Variants in ADCY4 observed in about 807,000 individuals in gnomAD.
ADCY4 encodes adenylate cyclase type 4.
In ADCY4, 111 loss-of-function variants were observed where a neutral mutation model predicts 125.5. The observed-to-expected ratio is 0.88, with a 90% CI of 0.76 to 1.04. The LOEUF (loss-of-function observed/expected upper bound fraction) is 1.04. Ranked by LOEUF, ADCY4 falls within the 50% of genes least tolerant of loss-of-function variation. The pLI, the probability that ADCY4 is intolerant of heterozygous loss-of-function variation, is 0.00. For synonymous variants in ADCY4, 576 were observed against 586.9 expected (o/e 0.98, Z 0.27); for missense variants, 1,256 against 1,382.9 (o/e 0.91, Z 1.46).
rs540039927 is a variant in ADCY4 at position 24,318,432 on chromosome 14, G to C, written c.3218C>G (p.Ser1073Ter). 1.2e-6 allele frequency: 2 copies of C among 1,614,120 alleles called. No individual in the cohort carries two copies. Among genetic ancestry groups the C allele is most frequent in the African/African-American group, 2.7e-5 (2 of 75,044 alleles). ...AGTGCAATCTCAGCCTAGGGTAGCT[G>C]AAGGAGGTCCAGTTCGTGTCAAGTC... is the stretch of plus-strand genomic sequence containing the variant. ...NTDLTRTGPPSATLG is the reference protein window; with the variant it reads ...NTDLTRTGPP Residue 1073 changes from serine (S) to a stop codon, truncating the protein, a stop_gained, in exon 25 of 25, where the codon TCA (serine) becomes TGA (stop). Transcript: ENST00000418030. LOFTEE classifies it high-confidence loss of function.
At position 24,318,729 on chromosome 14, in the gene ADCY4, C is replaced by A. The variant is rs757144908; in HGVS notation, c.3006G>T (p.Pro1002=). 6.2e-7 allele frequency: 1 copy of A among 1,614,176 alleles called. No individual in the cohort carries two copies. Residue 1002 remains proline, a synonymous_variant, in exon 24 of 25, where the codon CCG becomes CCT. Coordinates refer to ENST00000418030, the MANE Select transcript of ADCY4 (RefSeq NM_001198568.2). The part of the protein sequence containing the change: ...VVAGVIGAQK[P]QYDIWGNTVN... ...CTGTGTTGCCCCAAATGTCATATTG[C>A]GGCTTCTGGGCCCCAATAACTCCAG...
intron 6 of ADCY4, 153 bp from the exon 7 acceptor site, chr14:24,330,448 A>G: frequency 1.0e-6 from 1 of 991,830 alleles, no homozygotes; most frequent in South Asian, 1.6e-5. Flanking sequence ...CTTTCACTTG[A>G]TATGGGGCTA....
At chr14:24,321,092 C>CT (rs113506596) in intron 20 of ADCY4, among the ~76,000 whole-genome samples, 1,887 of 120,190 alleles carry the variant, frequency 0.016, 33 homozygotes, top group African/African-American at 0.041. Flanking sequence ...AATTGCATTT[C>CT]TTTTTTTTTT....
rs79212563 is a variant in ADCY4, at chr14:24,331,295, A to G, written c.731T>C (p.Met244Thr). 6 of 1,614,056 alleles carry G rather than the reference A, an allele frequency of 3.7e-6. No homozygotes were observed. Among genetic ancestry groups the G allele is most frequent in the Non-Finnish European group, 5.1e-6 (6 of 1,180,038 alleles). Residue 244 changes from methionine (M) to threonine (T), a missense_variant, in exon 5 of 25, where the codon ATG (methionine) becomes ACG (threonine). Physicochemically the swap from Met to Thr is moderately conservative, Grantham distance 81 (BLOSUM62 -1). Transcript: ENST00000418030. Reference protein sequence around the residue: ...YLAREMKAEIMARLQAGQGSR... With the variant: ...YLAREMKAEITARLQAGQGSR... Reference sequence around the variant, plus strand: ...CCCCTGTCCTGCCTGCAGCCGTGCCATGATCTCTGCCTTCATCTCTCGGGC... The same window carrying G: ...CCCCTGTCCTGCCTGCAGCCGTGCCGTGATCTCTGCCTTCATCTCTCGGGC...
intron 16 of ADCY4, 175 bp from the exon 17 acceptor site, chr14:24,323,629 A>G (rs2041891819): frequency 7.0e-7 from 1 of 1,426,520 alleles, no homozygotes; most frequent in African/African-American, 1.4e-5. Flanking sequence ...CTCGGGGAGG[A>G]GTTATGTGAG....
chr14:24,319,275 A>G lies in ADCY4; in HGVS notation c.2841+54T>C, dbSNP rs544182635. 3.1e-6 allele frequency: 5 copies of G among 1,612,434 alleles called. No individual in the cohort carries two copies. The African/African-American group carries it at 4.0e-5, about 13-fold the overall frequency. The stretch of plus-strand genomic sequence containing the variant: ...GGCACAGGAATAAGTCCCACTAATA[A>G]GCCCATCAATGAGAGCCCAGAGGAG... On this transcript the variant is annotated intron_variant, in intron 22 of 24. Transcript: ENST00000418030. The surrounding 1 kb of genome is among the most constrained non-coding windows in gnomAD (Gnocchi z 4.5).
chr14:24,331,417 C>T, intron 4 of ADCY4, 61 bp from the exon 5 acceptor site: 1 of 1,599,190 alleles, frequency 6.3e-7, no homozygotes, highest in Non-Finnish European at 8.5e-7. Flanking sequence ...GGCCCTGTCC[C>T]CCAAATCACT....
At chr14:24,321,232 G>GA (rs2041846360) in intron 20 of ADCY4, among the ~76,000 whole-genome samples, 1 of 145,068 alleles carries the variant, frequency 6.9e-6, no homozygotes, top group African/African-American at 2.5e-5. Flanking sequence ...CCAACATGGT[G>GA]AAACCCTGTC....
At chr14:24,325,973 G>C in intron 12 of ADCY4, 86 bp from the exon 13 acceptor site, 1 of 1,587,148 alleles carries the variant, frequency 6.3e-7, no homozygotes. Flanking sequence ...GGGCAAGAGG[G>C]GGTGGTCAGG....
At chr14:24,329,621 G>C in intron 8 of ADCY4, 88 bp from the exon 9 acceptor site, 6 of 1,475,436 alleles carry the variant, frequency 4.1e-6, no homozygotes, top group Non-Finnish European at 5.4e-6. Flanking sequence ...TCCTAGAACT[G>C]ACAAACATCT....
intron 10 of ADCY4, chr14:24,328,851 AG>A (rs773803029): frequency 4.6e-5 from 29 of 627,304 alleles, no homozygotes; most frequent in Non-Finnish European, 7.4e-5. Flanking sequence ...ATCTTCTCTG[AG>A]GTGAGCTGGA....
At chr14:24,329,567 AG>A in intron 8 of ADCY4, 34 bp from the exon 9 acceptor site, 1 of 1,504,012 alleles carries the variant, frequency 6.6e-7, no homozygotes, top group African/African-American at 1.4e-5. Flanking sequence ...GTCAGCAGGG[AG>A]GGCCTTCAAA....
intron 3 of ADCY4, 24 bp from the exon 4 acceptor site, chr14:24,331,961 A>C: frequency 6.5e-7 from 1 of 1,534,632 alleles, no homozygotes; most frequent in Non-Finnish European, 8.8e-7. Flanking sequence ...CCAGCCTCAG[A>C]GGGCGCGGGA....
chr14:24,331,470 C>T (rs376499863), intron 4 of ADCY4, 114 bp from the exon 5 acceptor site: 31 of 1,416,136 alleles, frequency 2.2e-5, no homozygotes, highest in Non-Finnish European at 3.0e-5. Context: ...CCAGGGTGCT[C>T]CCCCAGGTCC....
intron 1 of ADCY4, among the ~76,000 whole-genome samples, chr14:24,333,378 G>T (rs552043196): frequency 2.7e-5 from 4 of 150,100 alleles, no homozygotes; most frequent in Non-Finnish European, 4.4e-5. Flanking sequence ...CCGCCACCAC[G>T]CCCAGCTAAT....
intron 4 of ADCY4, 43 bp downstream of exon 4, chr14:24,331,745 C>A: frequency 6.7e-7 from 1 of 1,500,792 alleles, no homozygotes. Flanking sequence ...CTAAGCAACT[C>A]CTCCCTCGGA....
At chr14:24,323,695 C>G in intron 16 of ADCY4, 2 of 1,374,500 alleles carry the variant, frequency 1.5e-6, no homozygotes, top group Non-Finnish European at 1.9e-6. Flanking sequence ...TTGCCAGCCA[C>G]TTAGCCTCTC....
In ADCY4 at chr14:24,326,309, T is replaced by C. The variant is rs759843383; in HGVS notation, c.1558A>G (p.Ser520Gly). 1.5e-5 allele frequency: 25 copies of C among 1,613,936 alleles called. No homozygotes were observed. The South Asian group carries it at 2.4e-4, about 16-fold the overall frequency. The change falls in exon 11 of 25, where the codon AGC becomes GGC. Residue 520 changes from serine to glycine, a missense_variant. Physicochemically the swap from Ser to Gly is moderately conservative, Grantham distance 56. Coordinates refer to ENST00000418030, the MANE Select transcript of ADCY4 (RefSeq NM_001198568.2). ...TTGAGGCCTCCTCACCGATCCAGGCTCCACTGGGTGCTGAAGGAAGCCAGG... is the reference window on the plus strand; with the variant it reads ...TTGAGGCCTCCTCACCGATCCAGGCCCCACTGGGTGCTGAAGGAAGCCAGG... Reference protein sequence around the residue: ...KTLASFSTQWSLDRSRTPRGL... With the variant: ...KTLASFSTQWGLDRSRTPRGL...
In ADCY4 at chr14:24,331,849, A is replaced by C. The variant is rs1276472327; in HGVS notation, c.608T>G (p.Phe203Cys). The change falls in exon 4 of 25, where the codon TTC (phenylalanine) becomes TGC (cysteine). Residue 203 changes from phenylalanine to cysteine, a missense_variant. Phe to Cys is a radical substitution (Grantham distance 205). Transcript: ENST00000418030. ...ALMERALRAT[F>C]REALSSLHSR... ...GTGCAGGGAGCTGAGTGCCTCCCGG[A>C]ACGTGGCCCGCAGGGCGCGCTCCAT... is the stretch of plus-strand genomic sequence containing the variant. 6.2e-7 allele frequency: 1 copy of C among 1,603,908 alleles called. No homozygotes were observed. Among genetic ancestry groups the C allele is most frequent in the East Asian group, 2.2e-5 (1 of 44,566 alleles).
Sources: allele counts gnomAD v4.1 joint callset (sites outside exome capture counted in the v4.1 genomes callset), GRCh38; gene constraint gnomAD v4.1.1; non-coding constraint Gnocchi (gnomAD v3.1); transcripts MANE v1.5; gene names NCBI Gene and HGNC (gene_info 2026-07-23, HGNC 2026-07-21).